GART: variants seen among roughly 807,000 people sequenced by gnomAD.
GART encodes phosphoribosylglycinamide formyltransferase, phosphoribosylglycinamide synthetase, phosphoribosylaminoimidazole synthetase, also known as trifunctional purine biosynthetic protein adenosine-3.
In GART, 43 loss-of-function variants were observed where a neutral mutation model predicts 107.2. That is an observed-to-expected ratio of 0.40 (90% CI 0.31 to 0.52). The LOEUF is 0.52. Ranked by LOEUF, GART falls within the 20% of genes least tolerant of loss-of-function variation. GART has a pLI of 0.52. For missense variants in GART, 1,107 were observed against 1,206.5 expected (o/e 0.92, Z 1.22); for synonymous variants, 434 against 427.0 (o/e 1.02, Z -0.20).
chr21:33,507,995 T>C lies in GART; in HGVS notation c.2452+1788A>G, dbSNP rs377481848. On this transcript the variant is annotated intron_variant, in intron 18 of 21. Coordinates refer to ENST00000381815, the MANE Select transcript of GART (RefSeq NM_000819.5). The stretch of plus-strand genomic sequence containing the variant: ...AAAGATCTCATGTACCCTATAAATA[T>C]ATATACCTACCATGTACCCATACAA... Among the ~76,000 whole-genome samples, 16 of 152,312 alleles carry C rather than the reference T, an allele frequency of 1.1e-4. 1 individual carries two copies. The East Asian group carries it at 2.7e-3, about 26-fold the overall frequency.
intron 9 of GART, 27 bp from the exon 10 acceptor site, chr21:33,528,362 G>A (rs1333581447): frequency 6.2e-7 from 1 of 1,609,192 alleles, no homozygotes; most frequent in Admixed American, 1.7e-5. Context: ...CACATGGCAG[G>A]TGGGATAAAT....
Position 33,520,470 on chromosome 21 carries a change from G to A in GART, c.1596C>T (p.Leu532=), listed in dbSNP as rs1374087227. The change falls in exon 14 of 22, where the codon CTC becomes CTT. Residue 532 remains leucine (L), a synonymous_variant. Transcript: ENST00000381815. The part of the protein sequence containing the change: ...NDILAQGAEP[L]FFLDYFSCGK... ...CACAGGAAAAGTAATCAAGGAAGAAGAGGGGCTCTGCTCCTTGTGCCAGAA... is the reference window on the plus strand; with the variant it reads ...CACAGGAAAAGTAATCAAGGAAGAAAAGGGGCTCTGCTCCTTGTGCCAGAA... 6.2e-7 allele frequency: 1 copy of A among 1,614,110 alleles called. No homozygotes were observed. Among genetic ancestry groups the A allele is most frequent in the Admixed American group, 1.7e-5 (1 of 60,026 alleles).
intron 7 of GART, among the ~76,000 whole-genome samples, chr21:33,530,332 C>A (rs1277214489): frequency 6.6e-6 from 1 of 152,184 alleles, no homozygotes; most frequent in Non-Finnish European, 1.5e-5. Flanking sequence ...TCTGATCTGA[C>A]TTGGTTCTCA....
intron 20 of GART, among the ~76,000 whole-genome samples, chr21:33,505,237 C>T (rs1445376723): frequency 1.3e-5 from 2 of 152,114 alleles, no homozygotes; most frequent in East Asian, 3.9e-4. Context: ...GGAAGGTCTT[C>T]TGAATATTTA....
chr21:33,525,000 C>T lies in GART; in HGVS notation c.1067G>A (p.Gly356Glu). ...GDYTKGVEIT[G>E]FPEAQALGLE... ...TCCTAGAGCTTGAGCCTCAGGAAAC[C>T]CTAGAAGAGAGCATATTTGACATAT... is the stretch of plus-strand genomic sequence containing the variant. The change falls in exon 11 of 22, where the codon GGG (glycine) becomes GAG (glutamate). Residue 356 changes from glycine (G) to glutamate (E), a missense_variant and splice_region_variant. Physicochemically the swap from Gly to Glu is moderately conservative, Grantham distance 98. Coordinates refer to ENST00000381815, the MANE Select transcript of GART (RefSeq NM_000819.5). 6.2e-7 allele frequency: 1 copy of T among 1,612,826 alleles called. No homozygotes were observed. The highest frequency in any genetic ancestry group is 8.5e-7 in the Non-Finnish European group (1 of 1,179,464).
At position 33,517,262 on chromosome 21, in the gene GART, C is replaced by A. The variant is rs568268468; in HGVS notation, c.1954+95G>T. On this transcript the variant is annotated intron_variant, in intron 15 of 21. Coordinates refer to ENST00000381815, the MANE Select transcript of GART (RefSeq NM_000819.5). ...GACCAAGTAGCAAACCAAGGTAATTCATTCCCTTTTAGCTCTAAGTAATCA... is the reference window on the plus strand; with the variant it reads ...GACCAAGTAGCAAACCAAGGTAATTAATTCCCTTTTAGCTCTAAGTAATCA... 272 of 1,551,104 alleles carry A rather than the reference C, an allele frequency of 1.8e-4. 1 individual carries two copies. The African/African-American group carries it at 3.6e-3, about 20-fold the overall frequency.
At chr21:33,521,044 A>G in intron 12 of GART, 29 bp from the exon 13 acceptor site, 2 of 1,514,826 alleles carry the variant, frequency 1.3e-6, no homozygotes, top group Non-Finnish European at 1.8e-6. Context: ...ATTACTTGCT[A>G]CATTTTAATA....
At position 33,505,575 on chromosome 21, in the gene GART, A is replaced by T; in HGVS notation, c.2711T>A (p.Val904Asp). ...TTTTTGCTTACCATTCCACTTTTGG[A>T]CAAAGGGGCCAGAAAGAATTCTCAT... The part of the protein sequence containing the change: ...GFMRILSGPF[V>D]QKWNGKMLNI... The change falls in exon 20 of 22, where the codon GTC becomes GAC. Residue 904 changes from valine to aspartate, a missense_variant. Val to Asp is a radical substitution (Grantham distance 152, BLOSUM62 -3). Coordinates refer to ENST00000381815, the MANE Select transcript of GART (RefSeq NM_000819.5). 6.3e-7 allele frequency: 1 copy of T among 1,593,322 alleles called. No homozygotes were observed.
Position 33,528,500 on chromosome 21 carries a change from C to T in GART, c.897+19G>A. ...ACCACATATCTTCTACCAAGTAATA[C>T]TTTGATATTTTTACCCACTTGGCAC... On this transcript the variant is annotated intron_variant, in intron 9 of 21. Transcript: ENST00000381815. 2 of 1,576,810 alleles carry T rather than the reference C, an allele frequency of 1.3e-6. No individual in the cohort carries two copies. Among genetic ancestry groups the T allele is most frequent in the Non-Finnish European group, 1.7e-6 (2 of 1,158,202 alleles).
intron 16 of GART, among the ~76,000 whole-genome samples, chr21:33,515,803 T>C (rs1431908610): frequency 6.6e-6 from 1 of 151,998 alleles, no homozygotes; most frequent in Non-Finnish European, 1.5e-5. Context: ...CTACCCACTG[T>C]CTCCACAACT....
intron 9 of GART, 69 bp downstream of exon 9, chr21:33,528,450 G>A (rs1601211156): frequency 3.9e-6 from 6 of 1,539,126 alleles, no homozygotes; most frequent in Non-Finnish European, 5.3e-6. Flanking sequence ...ATTACTTCCA[G>A]GCTGATAAAT....
At chr21:33,534,850 C>T in intron 3 of GART, 97 bp from the exon 4 acceptor site, 1 of 1,067,648 alleles carries the variant, frequency 9.4e-7, no homozygotes, top group Non-Finnish European at 1.3e-6. Context: ...TACATCTAGA[C>T]AAGGCAGATG....
At chr21:33,526,290 C>G (rs560910566) in intron 10 of GART, among the ~76,000 whole-genome samples, 2 of 152,232 alleles carry the variant, frequency 1.3e-5, no homozygotes, top group African/African-American at 4.8e-5. Flanking sequence ...GCCACCTCAG[C>G]CTCCTGAGTA....
intron 1 of GART, 80 bp from the exon 2 acceptor site, chr21:33,539,436 T>A (rs576953044): frequency 7.6e-6 from 8 of 1,056,890 alleles, no homozygotes; most frequent in Non-Finnish European, 1.1e-5. Context: ...CTCATGCCTG[T>A]ACCCCCAGCA....
chr21:33,520,284 T>C, intron 14 of GART, 80 bp downstream of exon 14: 2 of 1,196,760 alleles, frequency 1.7e-6, no homozygotes, highest in Non-Finnish European at 2.5e-6. Flanking sequence ...CTAGCTACAT[T>C]GGCACTGATC....
Position 33,520,986 on chromosome 21 carries a change from C to T in GART, c.1423G>A (p.Gly475Ser), listed in dbSNP as rs1052149026. ...CCAGCTGCTTTTAAATCAAAAAGAC[C>T]AGCAAAACCTCCAAGATCAACTTTA... ...GCKVDLGGFA[G>S]LFDLKAAGFK... The change falls in exon 13 of 22, where the codon GGT becomes AGT. Residue 475 changes from glycine to serine, a missense_variant. Physicochemically the swap from Gly to Ser is moderately conservative, Grantham distance 56. Transcript: ENST00000381815. 5.0e-6 allele frequency: 8 copies of T among 1,613,664 alleles called. No individual in the cohort carries two copies. The highest frequency in any genetic ancestry group is 6.8e-6 in the Non-Finnish European group (8 of 1,179,924).
rs758962497 is a variant in GART, at chr21:33,528,139, C to T, written c.1066+28G>A. On this transcript the variant is annotated intron_variant, in intron 10 of 21. Transcript: ENST00000381815. ...TGGTGCTGGCACTTGTCACGTTGTA[C>T]TCCAACCTCTTGCTCCCTGACACTC... The T allele has an allele frequency of 2.1e-5, 34 of 1,608,860 alleles. No homozygotes were observed. The East Asian group carries it at 7.4e-4, about 35-fold the overall frequency.
chr21:33,512,570 T>C (rs2084804608), intron 16 of GART, among the ~76,000 whole-genome samples: 1 of 152,086 alleles, frequency 6.6e-6, no homozygotes, highest in African/African-American at 2.4e-5. Context: ...TCTGCCTATT[T>C]ATTTGATTTA....
At position 33,506,184 on chromosome 21, in the gene GART, C is replaced by A. The variant is rs531904721; in HGVS notation, c.2453-80G>T. On this transcript the variant is annotated intron_variant, in intron 18 of 21. Transcript: ENST00000381815. ...TTGAGAGGGAGTCTCACTCTGTCGC[C>A]CAGGCTAGGAGTGCAGTGCCACGAT... 1,240 of 1,510,322 alleles carry A rather than the reference C, an allele frequency of 8.2e-4. 3 individuals carry two copies. Among genetic ancestry groups the A allele is most frequent in the Non-Finnish European group, 1.0e-3 (1,169 of 1,120,966 alleles). 93.6% of individuals were successfully genotyped at this position (1,510,322 alleles called of 1,614,324 possible).
Sources: allele counts gnomAD v4.1 joint callset (sites outside exome capture counted in the v4.1 genomes callset), GRCh38; gene constraint gnomAD v4.1.1; transcripts MANE v1.5; gene names NCBI Gene and HGNC (gene_info 2026-07-23, HGNC 2026-07-21).